The following OTUD7A variants were observed in gnomAD, a reference collection of about 807,000 sequenced individuals.
The protein encoded by OTUD7A is OTU deubiquitinase 7A, also known as OTU domain-containing protein 7A.
Under a neutral mutation model 65.7 loss-of-function variants are expected in OTUD7A, and 12 were observed. That is an observed-to-expected ratio of 0.18 (90% confidence interval 0.12 to 0.30). The LOEUF (loss-of-function observed/expected upper bound fraction) is 0.30, where lower values mean the gene tolerates loss of function less well. Among genes scored for constraint, OTUD7A ranks in the 10% least tolerant of loss-of-function variants. The pLI is 1.00. For synonymous variants in OTUD7A, 641 were observed against 586.3 expected (o/e 1.09, Z -1.35); for missense variants, 1,148 against 1,304.8 (o/e 0.88, Z 1.85).
intron 1 of OTUD7A, among the ~76,000 whole-genome samples, chr15:31,859,804 C>T (rs764362376): frequency 3.1e-4 from 47 of 152,164 alleles, no homozygotes; most frequent in Non-Finnish European, 5.3e-4. Context: ...GTACCCCTAT[C>T]GTTTCAATAG....
At chr15:31,704,677 C>T (rs1201229889) in intron 1 of OTUD7A, among the ~76,000 whole-genome samples, 3 of 151,782 alleles carry the variant, frequency 2.0e-5, no homozygotes, top group Non-Finnish European at 1.5e-5. Flanking sequence ...CAGTGTTCCC[C>T]CTCAAAAACA....
intron 1 of OTUD7A, among the ~76,000 whole-genome samples, chr15:31,812,425 A>C (rs1167860572): frequency 6.6e-6 from 1 of 152,186 alleles, no homozygotes; most frequent in Non-Finnish European, 1.5e-5. Context: ...TGCCTCATTT[A>C]CAGTTGTCCT....
chr15:31,730,992 T>C (rs1894026537), intron 1 of OTUD7A, among the ~76,000 whole-genome samples: 1 of 152,170 alleles, frequency 6.6e-6, no homozygotes, highest in South Asian at 2.1e-4. Context: ...GTACAAAATA[T>C]CCTTAGGACT....
chr15:31,588,928 T>G (rs1889630618), intron 3 of OTUD7A, among the ~76,000 whole-genome samples: 2 of 152,132 alleles, frequency 1.3e-5, no homozygotes, highest in African/African-American at 4.8e-5. Flanking sequence ...AAACTTCACC[T>G]CCTCAGGCAG....
At chr15:31,510,359 G>A (rs2041667250) in intron 8 of OTUD7A, among the ~76,000 whole-genome samples, 2 of 151,108 alleles carry the variant, frequency 1.3e-5, no homozygotes, top group Admixed American at 6.6e-5. Context: ...GCTGTCTGGC[G>A]TCATGCTTGG....
intron 1 of OTUD7A, among the ~76,000 whole-genome samples, chr15:31,780,773 C>G (rs1447635890): frequency 6.6e-6 from 1 of 152,190 alleles, no homozygotes; most frequent in Non-Finnish European, 1.5e-5. Context: ...CTTTGCTTGC[C>G]AAGTACATCT....
intron 1 of OTUD7A, among the ~76,000 whole-genome samples, chr15:31,833,237 T>G (rs1475989682): frequency 6.6e-6 from 1 of 152,220 alleles, no homozygotes; most frequent in East Asian, 1.9e-4. Context: ...CAGCTGAGAA[T>G]TGAGGCAGAG....
At chr15:31,793,015 T>C (rs564191834) in intron 1 of OTUD7A, among the ~76,000 whole-genome samples, 1 of 152,194 alleles carries the variant, frequency 6.6e-6, no homozygotes, top group Non-Finnish European at 1.5e-5. Flanking sequence ...CACACACCAA[T>C]TGACAGATGG....
chr15:31,669,647 CCT>C (rs1252497326), intron 1 of OTUD7A, among the ~76,000 whole-genome samples: 3 of 152,290 alleles, frequency 2.0e-5, no homozygotes, highest in South Asian at 2.1e-4. Context: ...CGCACCCTCC[CCT>C]GAGTTCTGGC....
chr15:31,502,324 T>C (rs1364648635), intron 9 of OTUD7A, among the ~76,000 whole-genome samples: 1 of 152,190 alleles, frequency 6.6e-6, no homozygotes, highest in East Asian at 1.9e-4. Context: ...GATCAAGTCC[T>C]TCAGTGACAG....
rs570150790 is a variant in OTUD7A, at chr15:31,737,720, T to C, written c.-99-80643A>G. On this transcript the variant is annotated intron_variant, in intron 1 of 12. Coordinates refer to ENST00000307050, the MANE Select transcript of OTUD7A (RefSeq NM_001382637.1). The stretch of plus-strand genomic sequence containing the variant: ...TGGCAGAAACTGGAGAAAGTCAGCA[T>C]GCTTCTCAGCAGGAAATAACTGGAT... 8.5e-5 allele frequency among the ~76,000 whole-genome samples: 13 copies of C among 152,352 alleles called. No homozygotes were observed. In the South Asian group the frequency reaches 2.5e-3, roughly 29 times the overall value.
intron 1 of OTUD7A, among the ~76,000 whole-genome samples, chr15:31,694,449 A>G (rs1303658846): frequency 6.6e-6 from 1 of 152,054 alleles, no homozygotes. Flanking sequence ...CAACCAAAAA[A>G]CTTTTTGTAA....
chr15:31,675,742 A>T (rs1369052776), intron 1 of OTUD7A, among the ~76,000 whole-genome samples: 3 of 152,234 alleles, frequency 2.0e-5, no homozygotes, highest in Non-Finnish European at 4.4e-5. Context: ...CCAAGTTAGA[A>T]TTTTAAAAAC....
At chr15:31,772,761 T>C (rs969300674) in intron 1 of OTUD7A, among the ~76,000 whole-genome samples, 7 of 152,240 alleles carry the variant, frequency 4.6e-5, no homozygotes, top group African/African-American at 7.2e-5. Context: ...ATTAAACATA[T>C]ATGAAGTTCA....
At chr15:31,836,522 C>T (rs186909303) in intron 1 of OTUD7A, among the ~76,000 whole-genome samples, 144 of 152,228 alleles carry the variant, frequency 9.5e-4, no homozygotes, top group Non-Finnish European at 1.7e-3. Context: ...GTATGAGGCT[C>T]ATTTTAAGAT....
At chr15:31,722,509 A>C (rs1221294477) in intron 1 of OTUD7A, among the ~76,000 whole-genome samples, 1 of 152,222 alleles carries the variant, frequency 6.6e-6, no homozygotes, top group Admixed American at 6.5e-5. Flanking sequence ...GCCAGTTTCA[A>C]TGCACAGCCA....
intron 3 of OTUD7A, among the ~76,000 whole-genome samples, chr15:31,611,186 G>A (rs1240808245): frequency 3.3e-5 from 5 of 151,982 alleles, no homozygotes; most frequent in Admixed American, 6.5e-5. Flanking sequence ...AGCCCTACAC[G>A]CCTACATCAA....
chr15:31,487,626 A>C lies in OTUD7A; in HGVS notation c.1172-60T>G. On this transcript the variant is annotated intron_variant, in intron 10 of 12. Transcript: ENST00000307050. This position sits in a 1 kb window ranked among gnomAD's most constrained non-coding sequence, Gnocchi z 6.0. ...CCGGCAGTCCCCAGGCAGGATGGCA[A>C]GGAAATTCCCAAGCCAGGTATCTGG... The C allele has an allele frequency of 7.1e-7, 1 of 1,414,612 alleles. No homozygotes were observed. The highest frequency in any genetic ancestry group is 9.7e-7 in the Non-Finnish European group (1 of 1,029,642). The allele number at this position is 1,414,612 out of a possible 1,614,324, so 87.6% of individuals were successfully genotyped here. A position where few individuals can be genotyped will look rare whatever the true frequency, so the allele number is the denominator to read the frequency against.
intron 3 of OTUD7A, among the ~76,000 whole-genome samples, chr15:31,646,502 C>G (rs57278163): frequency 0.034 from 5,073 of 150,418 alleles, 133 homozygotes; most frequent in Admixed American, 0.063. Flanking sequence ...ACTCTGTTGC[C>G]CAGGCTGGAG....
Sources: allele counts gnomAD v4.1 joint callset (sites outside exome capture counted in the v4.1 genomes callset), GRCh38; gene constraint gnomAD v4.1.1; non-coding constraint Gnocchi (gnomAD v3.1); transcripts MANE v1.5; gene names NCBI Gene and HGNC (gene_info 2026-07-23, HGNC 2026-07-21).